The following OXR1 variants were observed in gnomAD, a reference collection of about 807,000 sequenced individuals.
The protein encoded by OXR1 is oxidation resistance 1, also known as oxidation resistance protein 1.
OXR1 carries 41 observed loss-of-function variants against 104.6 expected under a neutral mutation model. That is an observed-to-expected ratio of 0.39 (90% CI 0.31 to 0.51). The LOEUF (loss-of-function observed/expected upper bound fraction) is 0.51. Ranked by LOEUF, OXR1 falls within the 20% of genes least tolerant of loss-of-function variation. OXR1 has a pLI of 0.77. For missense variants in OXR1, 955 were observed against 1,031.9 expected, an observed-to-expected ratio of 0.93 and a Z score of 1.02; for synonymous variants, 348 against 348.4, an observed-to-expected ratio of 1.00 and a Z score of 0.01.
chr8:106,357,185 C>T (rs868302670), intron 1 of OXR1, among the ~76,000 whole-genome samples: 2 of 150,200 alleles, frequency 1.3e-5, no homozygotes, highest in East Asian at 3.9e-4. Flanking sequence ...GACAATATTC[C>T]ATATATATGT....
chr8:106,431,674 A>T (rs1181248913), intron 2 of OXR1, among the ~76,000 whole-genome samples: 2 of 152,228 alleles, frequency 1.3e-5, no homozygotes, highest in Non-Finnish European at 2.9e-5. Flanking sequence ...CAGCTTTAAC[A>T]GCACCTATAC....
At chr8:106,679,620 C>T (rs1040765111) in intron 4 of OXR1, among the ~76,000 whole-genome samples, 8 of 151,892 alleles carry the variant, frequency 5.3e-5, no homozygotes, top group African/African-American at 1.7e-4. Flanking sequence ...TCATTATATT[C>T]GCAGCAGTGC....
intron 8 of OXR1, among the ~76,000 whole-genome samples, chr8:106,705,860 A>T (rs1243985515): frequency 6.6e-6 from 1 of 152,048 alleles, no homozygotes; most frequent in East Asian, 1.9e-4. Context: ...CTTGAGTTTT[A>T]TTCAGATTGG....
intron 3 of OXR1, among the ~76,000 whole-genome samples, chr8:106,527,502 T>C (rs1211767136): frequency 1.3e-5 from 2 of 152,202 alleles, no homozygotes; most frequent in Admixed American, 1.3e-4. Context: ...AAAAACTCTT[T>C]GTGGTTTCTC....
intron 3 of OXR1, among the ~76,000 whole-genome samples, chr8:106,557,004 T>C (rs1408776715): frequency 6.6e-6 from 1 of 152,194 alleles, no homozygotes; most frequent in African/African-American, 2.4e-5. Context: ...TTTGAACAAA[T>C]ACTCACCTGC....
chr8:106,377,351 T>TAAA (rs905214382), intron 2 of OXR1, among the ~76,000 whole-genome samples: 1 of 147,414 alleles, frequency 6.8e-6, no homozygotes, highest in Non-Finnish European at 1.5e-5. Context: ...TTGCCTAATT[T>TAAA]AAAAAAAAAA....
In OXR1 at chr8:106,279,150, A is replaced by C. The variant is rs145177607; in HGVS notation, c.-139+8783A>C. Among the ~76,000 whole-genome samples, 46 of 152,296 alleles carry C rather than the reference A, an allele frequency of 3.0e-4. No individual in the cohort carries two copies. In the East Asian group the frequency reaches 8.7e-3, roughly 29 times the overall value. On this transcript the variant is annotated intron_variant, in intron 1 of 16. Coordinates refer to ENST00000517566, the MANE Select transcript of OXR1 (RefSeq NM_001198533.2). The stretch of plus-strand genomic sequence containing the variant: ...GTGAGATTTTTACCTCTTTGCCAGC[A>C]TGTTTTTAAATTTCCAATCAGCAGT...
intron 3 of OXR1, among the ~76,000 whole-genome samples, chr8:106,599,132 G>A (rs1819753703): frequency 6.6e-6 from 1 of 152,200 alleles, no homozygotes; most frequent in Non-Finnish European, 1.5e-5. Context: ...AGGCAAATGT[G>A]AGGATGACAT....
At chr8:106,396,857 T>C (rs576377885) in intron 2 of OXR1, among the ~76,000 whole-genome samples, 148 of 152,256 alleles carry the variant, frequency 9.7e-4, no homozygotes, top group African/African-American at 3.3e-3. Flanking sequence ...AGAAACTCTC[T>C]ATACTGTATT....
chr8:106,294,411 A>G (rs1812896515), intron 1 of OXR1, among the ~76,000 whole-genome samples: 1 of 148,986 alleles, frequency 6.7e-6, no homozygotes, highest in South Asian at 2.2e-4. Context: ...AAAAAAAAAA[A>G]AAAAGAAAGA....
intron 2 of OXR1, among the ~76,000 whole-genome samples, chr8:106,383,523 T>A (rs148353327): frequency 7.9e-5 from 12 of 152,296 alleles, no homozygotes; most frequent in Admixed American, 7.9e-4. Context: ...CACAAATCTA[T>A]AAGGATTATT....
chr8:106,561,444 G>A (rs868265497), intron 3 of OXR1, among the ~76,000 whole-genome samples: 1 of 152,152 alleles, frequency 6.6e-6, no homozygotes. Flanking sequence ...TCTCTGGGCA[G>A]GTCATCTCTG....
chr8:106,280,823 T>C (rs564198628), intron 1 of OXR1, among the ~76,000 whole-genome samples: 1 of 152,204 alleles, frequency 6.6e-6, no homozygotes, highest in African/African-American at 2.4e-5. Context: ...TTCTTAAAAA[T>C]CAAGTGAGGG....
chr8:106,310,352 G>T (rs940423440), intron 1 of OXR1, among the ~76,000 whole-genome samples: 1 of 151,812 alleles, frequency 6.6e-6, no homozygotes, highest in Non-Finnish European at 1.5e-5. Context: ...CTTTCCTGGA[G>T]ACATTCCTCA....
At chr8:106,451,968 C>T (rs777918627) in intron 2 of OXR1, among the ~76,000 whole-genome samples, 17 of 152,126 alleles carry the variant, frequency 1.1e-4, no homozygotes, top group South Asian at 2.1e-4. Flanking sequence ...AACACGAGAA[C>T]GTGAGATGAT....
At chr8:106,380,211 A>G (rs920247561) in intron 2 of OXR1, among the ~76,000 whole-genome samples, 5 of 151,786 alleles carry the variant, frequency 3.3e-5, no homozygotes, top group Admixed American at 6.6e-5. Flanking sequence ...TATATCATAC[A>G]TATCATACAT....
At chr8:106,400,739 A>C in intron 2 of OXR1, among the ~76,000 whole-genome samples, 1 of 152,188 alleles carries the variant, frequency 6.6e-6, no homozygotes, top group East Asian at 1.9e-4. Flanking sequence ...CTCCATAATG[A>C]GATTTCATTC....
At chr8:106,349,790 G>A (rs1173674825) in intron 1 of OXR1, among the ~76,000 whole-genome samples, 1 of 152,132 alleles carries the variant, frequency 6.6e-6, no homozygotes, top group African/African-American at 2.4e-5. Flanking sequence ...AGCAGGCAAA[G>A]GGAATAACAC....
At chr8:106,692,307 T>G (rs2131292438) in intron 6 of OXR1, among the ~76,000 whole-genome samples, 1 of 152,188 alleles carries the variant, frequency 6.6e-6, no homozygotes, top group Non-Finnish European at 1.5e-5. Context: ...TCCACCTTTT[T>G]ACTGCTCCCA....
Sources: allele counts gnomAD v4.1 joint callset (sites outside exome capture counted in the v4.1 genomes callset), GRCh38; gene constraint gnomAD v4.1.1; transcripts MANE v1.5; gene names NCBI Gene and HGNC (gene_info 2026-07-23, HGNC 2026-07-21).